Variants in GSE1 observed in about 807,000 individuals in gnomAD.
GSE1 encodes the protein Gse1 coiled-coil protein.
In GSE1, 32 loss-of-function variants were observed where a neutral mutation model predicts 112.6. That is an observed-to-expected ratio of 0.28 (90% confidence interval 0.21 to 0.38). The LOEUF is 0.38. Among genes scored for constraint, GSE1 ranks in the 10% least tolerant of loss-of-function variants. The pLI is 1.00. For synonymous variants in GSE1, 1,115 were observed against 735.6 expected, an observed-to-expected ratio of 1.52 and a Z score of -8.35; for missense variants, 2,348 against 1,699.2, an observed-to-expected ratio of 1.38 and a Z score of -6.71.
intron 2 of GSE1, among the ~76,000 whole-genome samples, chr16:85,402,924 A>G (rs1373163555): frequency 1.3e-5 from 2 of 152,040 alleles, no homozygotes; most frequent in Non-Finnish European, 2.9e-5. Context: ...TCAAAAAAAA[A>G]AAAAATTGCC....
At chr16:85,193,760 A>G (rs1216116702) in intron 1 of GSE1, among the ~76,000 whole-genome samples, 4 of 152,162 alleles carry the variant, frequency 2.6e-5, no homozygotes, top group Admixed American at 6.5e-5. Flanking sequence ...CATCCAGCCA[A>G]TTTTTAAAAG....
rs533954452 is a variant in GSE1, at chr16:85,195,324, G to A, written c.2283+23517G>A. On this transcript the variant is annotated intron_variant, in intron 1 of 2. Coordinates refer to the GSE1 transcript ENST00000637419. ...TTTTTCTGAGTGCCACCGGGCAGGC[G>A]AGTTGGAAGAAGGAGAGGAGGAAAT... Among the ~76,000 whole-genome samples the A allele has an allele frequency of 3.9e-5, 6 of 152,296 alleles. No homozygotes were observed. The South Asian group carries it at 1.2e-3, about 32-fold the overall frequency.
intron 1 of GSE1, among the ~76,000 whole-genome samples, chr16:85,205,346 G>C (rs972429359): frequency 6.6e-6 from 1 of 152,202 alleles, no homozygotes; most frequent in East Asian, 1.9e-4. Flanking sequence ...TGGCCAGGCT[G>C]GTCTTGAACT....
At chr16:85,232,300 C>T (rs150153076) in intron 1 of GSE1, among the ~76,000 whole-genome samples, 94 of 152,292 alleles carry the variant, frequency 6.2e-4, no homozygotes, top group Middle Eastern at 3.4e-3. Context: ...GGCCAACCCT[C>T]GTTTATCTGA....
chr16:85,560,063 G>A (rs949392286), intron 1 of GSE1, among the ~76,000 whole-genome samples: 2 of 151,508 alleles, frequency 1.3e-5, no homozygotes, highest in Non-Finnish European at 2.9e-5. Context: ...ATTTTGTCAC[G>A]GTCATTATTG....
intron 1 of GSE1, among the ~76,000 whole-genome samples, chr16:85,255,713 T>C (rs1907003359): frequency 6.6e-6 from 1 of 151,916 alleles, no homozygotes. Flanking sequence ...AGTCAGTGCC[T>C]ACTTTTCTTT....
intron 1 of GSE1, among the ~76,000 whole-genome samples, chr16:85,621,112 G>A (rs1032325834): frequency 1.3e-5 from 2 of 151,200 alleles, no homozygotes; most frequent in Admixed American, 6.6e-5. Context: ...CGTGTAGATG[G>A]TCTTGGCCCT....
intron 1 of GSE1, among the ~76,000 whole-genome samples, chr16:85,218,124 A>G (rs950674353): frequency 2.0e-5 from 3 of 151,764 alleles, no homozygotes; most frequent in African/African-American, 7.3e-5. Context: ...CTGGTCTCGA[A>G]CTCCTGGCCT....
intron 1 of GSE1, among the ~76,000 whole-genome samples, chr16:85,601,847 C>T (rs1418918218): frequency 6.6e-6 from 1 of 152,184 alleles, no homozygotes; most frequent in Non-Finnish European, 1.5e-5. Flanking sequence ...GCCCTGGACA[C>T]CAGGGTCTCC....
chr16:85,304,952 A>C (rs1406988466), intron 1 of GSE1, among the ~76,000 whole-genome samples: 1 of 152,114 alleles, frequency 6.6e-6, no homozygotes, highest in Non-Finnish European at 1.5e-5. Context: ...TGACTGTCCA[A>C]CCCAGTGTGG....
chr16:85,374,541 TGTGC>T (rs1220933457), intron 2 of GSE1, among the ~76,000 whole-genome samples: 463 of 20,892 alleles, frequency 0.022, 3 homozygotes, highest in South Asian at 0.22. Context: ...TGTGTGTGTG[TGTGC>T]GCGCGCGCGT....
At chr16:85,663,225 C>A in intron 10 of GSE1, 119 bp from the exon 11 acceptor site, 2 of 1,335,892 alleles carry the variant, frequency 1.5e-6, no homozygotes, top group South Asian at 1.3e-5. Context: ...AAGCTCTTCT[C>A]CCACCAGGCG....
intron 1 of GSE1, among the ~76,000 whole-genome samples, chr16:85,213,349 G>C (rs1428781458): frequency 6.6e-6 from 1 of 152,154 alleles, no homozygotes; most frequent in East Asian, 1.9e-4. Context: ...GGGAGGCTGA[G>C]GTGGAGGTGA....
intron 10 of GSE1, 35 bp downstream of exon 10, chr16:85,663,128 G>T (rs2052567364): frequency 6.9e-7 from 1 of 1,451,852 alleles, no homozygotes; most frequent in East Asian, 2.3e-5. Flanking sequence ...CATGCTCTGG[G>T]CTGGGCTCTC....
At chr16:85,599,718 T>A (rs1046933190) in intron 1 of GSE1, among the ~76,000 whole-genome samples, 7 of 152,218 alleles carry the variant, frequency 4.6e-5, no homozygotes, top group African/African-American at 1.7e-4. Context: ...TCTTCCTTTC[T>A]CTTTCTCCTT....
intron 2 of GSE1, among the ~76,000 whole-genome samples, chr16:85,426,226 ATGG>A (rs1478969578): frequency 1.0e-4 from 10 of 99,290 alleles, no homozygotes; most frequent in Non-Finnish European, 2.2e-4. Context: ...TGGATGGTAG[ATGG>A]TGGGTGAATG....
intron 1 of GSE1, among the ~76,000 whole-genome samples, chr16:85,263,182 G>A (rs1391127306): frequency 6.6e-6 from 1 of 152,192 alleles, no homozygotes; most frequent in African/African-American, 2.4e-5. Context: ...AAAGAGTGTG[G>A]TCAGAATAGG....
chr16:85,482,448 C>G lies in GSE1; in HGVS notation c.2464+124805C>G, dbSNP rs35953702. Among the ~76,000 whole-genome samples, 823 of 152,308 alleles carry G rather than the reference C, an allele frequency of 5.4e-3. 8 individuals carry two copies. Among genetic ancestry groups the G allele is most frequent in the African/African-American group, 0.019 (774 of 41,560 alleles). The stretch of plus-strand genomic sequence containing the variant: ...CAGACCCCCAGCCCATCTCTGACAA[C>G]TCGAGCGACCCGCGACCTGCAGCGG... On this transcript the variant is annotated intron_variant, in intron 2 of 2. Coordinates refer to the GSE1 transcript ENST00000637419.
At chr16:85,384,722 A>C (rs2047646855) in intron 2 of GSE1, among the ~76,000 whole-genome samples, 1 of 152,206 alleles carries the variant, frequency 6.6e-6, no homozygotes, top group African/African-American at 2.4e-5. Flanking sequence ...AGGGACCTTG[A>C]TGAGCTCCAG....
Sources: gnomAD v4.1 joint callset for allele counts (sites outside exome capture counted in the v4.1 genomes callset) on GRCh38, gnomAD v4.1.1 for gene constraint, MANE v1.5 for transcripts, NCBI Gene and HGNC (gene_info 2026-07-23, HGNC 2026-07-21) for gene names.